ADGRL3: variants seen among roughly 807,000 people sequenced by gnomAD.
The protein encoded by ADGRL3 is calcium-independent alpha-latrotoxin receptor 3.
A neutral mutation model predicts 153.5 loss-of-function variants in ADGRL3; 62 were observed. The ratio of observed to expected loss-of-function variants is 0.40; its 90% CI spans 0.33 to 0.50. The LOEUF is 0.50. Among genes scored for constraint, ADGRL3 ranks in the 20% least tolerant of loss-of-function variants. The pLI is 0.47. For missense variants in ADGRL3, 1,641 were observed against 1,859.4 expected (o/e 0.88, Z 2.16); for synonymous variants, 710 against 672.5 (o/e 1.06, Z -0.86).
chr4:61,490,060 C>G (rs2098241218), intron 2 of ADGRL3, among the ~76,000 whole-genome samples: 5 of 152,060 alleles, frequency 3.3e-5, no homozygotes, highest in Admixed American at 3.3e-4. Flanking sequence ...CCTGAGAAAC[C>G]AGATGACTTG....
chr4:61,843,864 A>G (rs975694658), intron 9 of ADGRL3, among the ~76,000 whole-genome samples: 16 of 151,988 alleles, frequency 1.1e-4, no homozygotes, highest in African/African-American at 2.9e-4. Flanking sequence ...AAAATAAAAA[A>G]TTAGCCAGGC....
rs1480533754 is a variant in ADGRL3 at position 62,071,658 on chromosome 4, C to A, written c.*750C>A. 5.6e-6 allele frequency: 2 copies of A among 354,802 alleles called. No homozygotes were observed. Among genetic ancestry groups the A allele is most frequent in the South Asian group, 2.2e-5 (1 of 44,626 alleles). 22.0% of individuals were successfully genotyped at this position (354,802 alleles called of 1,614,324 possible). A position where few individuals can be genotyped will look rare whatever the true frequency, so the allele number is the denominator to read the frequency against. ...AGTAGAAAAAAAAAAAAGAAATTTTCTTTTTCTTTTGTGCTGGTCTTGCAA... is the reference window on the plus strand; with the variant it reads ...AGTAGAAAAAAAAAAAAGAAATTTTATTTTTCTTTTGTGCTGGTCTTGCAA... On this transcript the variant is annotated 3_prime_UTR_variant, in exon 27 of 27. Transcript: ENST00000683033.
intron 9 of ADGRL3, among the ~76,000 whole-genome samples, chr4:61,876,922 AAAAAAG>A (rs1348173928): frequency 6.6e-6 from 1 of 151,142 alleles, no homozygotes; most frequent in African/African-American, 2.4e-5. Context: ...AAAAAAAAAA[AAAAAAG>A]AAAGAAATAT....
chr4:61,774,747 T>C (rs2097128027), intron 8 of ADGRL3, among the ~76,000 whole-genome samples: 1 of 152,180 alleles, frequency 6.6e-6, no homozygotes, highest in Admixed American at 6.5e-5. Flanking sequence ...TTATTATAAA[T>C]TATTGTTGTT....
At chr4:61,596,119 A>G (rs1194712459) in intron 5 of ADGRL3, among the ~76,000 whole-genome samples, 1 of 151,302 alleles carries the variant, frequency 6.6e-6, no homozygotes, top group Non-Finnish European at 1.5e-5. Flanking sequence ...AAAACCAGGT[A>G]CTTTGATTGC....
chr4:61,730,204 T>A (rs755622823), intron 6 of ADGRL3, among the ~76,000 whole-genome samples: 1 of 152,058 alleles, frequency 6.6e-6, no homozygotes, highest in East Asian at 1.9e-4. Flanking sequence ...ACAACTATTA[T>A]GTGAAATAGT....
intron 8 of ADGRL3, among the ~76,000 whole-genome samples, chr4:61,769,449 T>C (rs1163478831): frequency 1.3e-5 from 2 of 150,526 alleles, no homozygotes; most frequent in Non-Finnish European, 1.5e-5. Flanking sequence ...AGACCTGAGG[T>C]CGTAGGTGGA....
rs113049572 is a variant in ADGRL3 at position 61,522,711 on chromosome 4, C to T, written c.259+5193C>T. 7.2e-4 allele frequency among the ~76,000 whole-genome samples: 109 copies of T among 152,198 alleles called. 1 individual carries two copies. The highest frequency in any genetic ancestry group is 2.5e-3 in the African/African-American group (104 of 41,558). On this transcript the variant is annotated intron_variant, in intron 4 of 26. Coordinates refer to ENST00000683033, the MANE Select transcript of ADGRL3 (RefSeq NM_001387552.1). ...TGAACACAAAGGTAAATGTAGGCTG[C>T]TTTAAAACCTGTAAGCCAGAAGGCC...
chr4:61,688,338 A>C (rs2095482549), intron 6 of ADGRL3, among the ~76,000 whole-genome samples: 1 of 152,086 alleles, frequency 6.6e-6, no homozygotes, highest in African/African-American at 2.4e-5. Flanking sequence ...AGCACTAGAG[A>C]ATGTAACTTA....
chr4:62,059,552 G>A (rs1196342950), intron 25 of ADGRL3, among the ~76,000 whole-genome samples: 2 of 152,024 alleles, frequency 1.3e-5, no homozygotes, highest in African/African-American at 4.8e-5. Flanking sequence ...CGGTAAGGAG[G>A]GACATGCATT....
At chr4:61,284,121 G>A (rs2093831505) in intron 1 of ADGRL3, among the ~76,000 whole-genome samples, 1 of 151,924 alleles carries the variant, frequency 6.6e-6, no homozygotes, top group African/African-American at 2.4e-5. Context: ...CTTAATTGAT[G>A]TAAAGGGATA....
chr4:61,934,102 G>T (rs2098828663), intron 13 of ADGRL3: 1 of 152,156 alleles, frequency 6.6e-6, no homozygotes, highest in African/African-American at 2.4e-5. Context: ...GATTCTTTTG[G>T]ATGAAGCAAT....
At chr4:61,669,143 C>T (rs1443158803) in intron 5 of ADGRL3, among the ~76,000 whole-genome samples, 5 of 152,104 alleles carry the variant, frequency 3.3e-5, no homozygotes, top group African/African-American at 1.2e-4. Flanking sequence ...TGTATGGCTA[C>T]AATATATATA....
intron 8 of ADGRL3, among the ~76,000 whole-genome samples, chr4:61,799,482 C>T (rs1215569040): frequency 2.0e-5 from 3 of 152,048 alleles, no homozygotes; most frequent in Non-Finnish European, 4.4e-5. Context: ...AAACATTCTT[C>T]TATGACAGAC....
At chr4:62,010,435 C>G (rs563752093) in intron 21 of ADGRL3, among the ~76,000 whole-genome samples, 2 of 152,188 alleles carry the variant, frequency 1.3e-5, no homozygotes, top group South Asian at 4.2e-4. Context: ...TTTTATTACA[C>G]CATTTCACTC....
chr4:61,306,203 T>G (rs1400833616), intron 1 of ADGRL3, among the ~76,000 whole-genome samples: 1 of 152,036 alleles, frequency 6.6e-6, no homozygotes, highest in Non-Finnish European at 1.5e-5. Flanking sequence ...GTTCACGCCA[T>G]TCTCCTGCCT....
chr4:61,930,914 T>A (rs945680477), intron 13 of ADGRL3, among the ~76,000 whole-genome samples: 2 of 151,976 alleles, frequency 1.3e-5, no homozygotes, highest in Admixed American at 6.6e-5. Flanking sequence ...AGAAAAAAAA[T>A]TATTTTGTGA....
chr4:61,953,692 T>G (rs2098955874), intron 17 of ADGRL3, among the ~76,000 whole-genome samples: 2 of 152,114 alleles, frequency 1.3e-5, no homozygotes, highest in Non-Finnish European at 2.9e-5. Flanking sequence ...TTTATAAGAA[T>G]TATAACCAAG....
At chr4:62,033,716 A>G (rs1723446491) in intron 23 of ADGRL3, among the ~76,000 whole-genome samples, 1 of 151,798 alleles carries the variant, frequency 6.6e-6, no homozygotes, top group African/African-American at 2.4e-5. Context: ...ATCAGTCATA[A>G]CATACTGAAG....
Sources: allele counts gnomAD v4.1 joint callset (sites outside exome capture counted in the v4.1 genomes callset), GRCh38; gene constraint gnomAD v4.1.1; transcripts MANE v1.5; gene names NCBI Gene and HGNC (gene_info 2026-07-23, HGNC 2026-07-21).